Variants in LTBP4 observed in about 807,000 individuals in gnomAD.
LTBP4 encodes the protein latent transforming growth factor beta binding protein 4, also known as latent-transforming growth factor beta-binding protein 4.
Under a neutral mutation model 180.2 loss-of-function variants are expected in LTBP4, and 93 were observed. The ratio of observed to expected loss-of-function variants is 0.52; its 90% confidence interval spans 0.44 to 0.61. The LOEUF (loss-of-function observed/expected upper bound fraction) is 0.61. Ranked by LOEUF, LTBP4 falls within the 20% of genes least tolerant of loss-of-function variation. The probability of loss-of-function intolerance (pLI) is 0.00; values close to 1 mark genes in which losing one functional copy is unlikely to be tolerated. For synonymous variants in LTBP4, 947 were observed against 934.5 expected, an observed-to-expected ratio of 1.01 and a Z score of -0.24; for missense variants, 2,116 against 2,256.5, an observed-to-expected ratio of 0.94 and a Z score of 1.26.
chr19:40,624,185 C>G, intron 26 of LTBP4, 103 bp downstream of exon 26: 1 of 1,348,700 alleles, frequency 7.4e-7, no homozygotes, highest in Non-Finnish European at 9.8e-7. Context: ...AAGGCCACGC[C>G]CCATGCTCCT....
At chr19:40,597,206 G>T (rs1213788956), upstream of LTBP4, 12 of 1,433,128 alleles carry the variant, frequency 8.4e-6, no homozygotes, top group South Asian at 4.3e-5. Context: ...CAGACCGCCC[G>T]CCCGGAGCGG....
Position 40,622,695 on chromosome 19 carries a change from G to C in LTBP4, c.3484+28G>C, listed in dbSNP as rs765543641. On this transcript the variant is annotated intron_variant, in intron 23 of 29. Transcript: ENST00000396819. The surrounding 1 kb of genome is among the most constrained non-coding windows in gnomAD (Gnocchi z 5.1). The stretch of plus-strand genomic sequence containing the variant: ...GGGCATGGGCTGATGGGGACACAGG[G>C]CTGAGGGCTTGGGTGGAAATACTGG... 1.1e-5 allele frequency: 17 copies of C among 1,579,088 alleles called. No individual in the cohort carries two copies. The highest frequency in any genetic ancestry group is 1.4e-5 in the Non-Finnish European group (16 of 1,162,700).
Position 40,627,818 on chromosome 19 carries a change from G to T in LTBP4, c.4480G>T (p.Asp1494Tyr). 3 of 1,570,366 alleles carry T rather than the reference G, an allele frequency of 1.9e-6. No homozygotes were observed. The highest frequency in any genetic ancestry group is 1.7e-6 in the Non-Finnish European group (2 of 1,163,520). ...CGAAGGCTTCACCTGCCGTTGCTTC[G>T]ACGGCTACCGCCTGGACATGACCCG... ...VPEGFTCRCFDGYRLDMTRMA... is the reference protein window; with the variant it reads ...VPEGFTCRCFYGYRLDMTRMA... The change falls in exon 29 of 30, where the codon GAC (aspartate) becomes TAC (tyrosine). Residue 1494 changes from aspartate (D) to tyrosine (Y), a missense_variant. By Grantham distance (160) the Asp-to-Tyr change is radical (BLOSUM62 -3). Transcript: ENST00000396819.
chr19:40,622,858 G>T lies in LTBP4; in HGVS notation c.3485-92G>T. 1 of 1,441,898 alleles carries T rather than the reference G, an allele frequency of 6.9e-7. No homozygotes were observed. Among genetic ancestry groups the T allele is most frequent in the Admixed American group, 2.0e-5 (1 of 50,188 alleles). 89.3% of individuals were successfully genotyped at this position (1,441,898 alleles called of 1,614,324 possible). A position where few individuals can be genotyped will look rare whatever the true frequency, so the allele number is the denominator to read the frequency against. ...AGAGGTGGGCACTAACAGGCACAGGGCCAGAGGGACTTTTGTGACAAGTGG... is the reference window on the plus strand; with the variant it reads ...AGAGGTGGGCACTAACAGGCACAGGTCCAGAGGGACTTTTGTGACAAGTGG... On this transcript the variant is annotated intron_variant, in intron 23 of 29. Coordinates refer to ENST00000396819, the MANE Select transcript of LTBP4 (RefSeq NM_001042545.2). This position sits in a 1 kb window ranked among gnomAD's most constrained non-coding sequence, Gnocchi z 5.1.
chr19:40,601,984 T>G (rs1213326714), intron 1 of LTBP4, among the ~76,000 whole-genome samples: 2 of 150,206 alleles, frequency 1.3e-5, no homozygotes, highest in Admixed American at 1.3e-4. Context: ...GAGTAAGGAG[T>G]CCCCGGGGAC....
chr19:40,619,493 G>A lies in LTBP4; in HGVS notation c.3217G>A (p.Gly1073Ser), dbSNP rs1264673256. ...GRCVPPRTSA[G>S]TFPGSQPQAP... ...CTGTGTTCCCCCACGAACTTCTGCT[G>A]GTGAGACTGATGTGTCTATTTAACT... The change falls in exon 22 of 30, where the codon GGC becomes AGC. Residue 1073 changes from glycine (G) to serine (S), a missense_variant and splice_region_variant. Gly to Ser is a moderately conservative substitution (Grantham distance 56). Coordinates refer to ENST00000396819, the MANE Select transcript of LTBP4 (RefSeq NM_001042545.2). 2 of 1,608,298 alleles carry A rather than the reference G, an allele frequency of 1.2e-6. No individual in the cohort carries two copies. The highest frequency in any genetic ancestry group is 2.7e-5 in the African/African-American group (2 of 74,828).
At position 40,601,512 on chromosome 19, in the gene LTBP4, G is replaced by T. The variant is rs764684954; in HGVS notation, c.125G>T (p.Gly42Val). The T allele has an allele frequency of 1.6e-4, 235 of 1,499,328 alleles. No individual in the cohort carries two copies. The highest frequency in any genetic ancestry group is 2.0e-4 in the Non-Finnish European group (228 of 1,131,226). 92.9% of individuals were successfully genotyped at this position (1,499,328 alleles called of 1,614,324 possible). A position where few individuals can be genotyped will look rare whatever the true frequency, so the allele number is the denominator to read the frequency against. Residue 42 changes from glycine (G) to valine (V), a missense_variant, in exon 1 of 30, where the codon GGC (glycine) becomes GTC (valine). This residue lies in a region of LTBP4 where 469 missense variants were observed against 532.5 expected (regional missense o/e 0.88). Transcript: ENST00000396819. ...LRVRFTPVVC[G>V]LRCVHGPTGS... ...GTGCGCTTCACCCCGGTCGTGTGCG[G>T]CCTGCGCTGCGTCCATGGGCCGACC...
chr19:40,627,247 G>A lies in LTBP4; in HGVS notation c.4258G>A (p.Glu1420Lys). The part of the protein sequence containing the change: ...EDDGGPYGES[E>K]APAPPGPGTR... ...CGATGGTGGCCCCTATGGCGAATCT[G>A]AGGCTCCTGCGCCACCTGGCCCGGG... The change falls in exon 28 of 30, where the codon GAG (glutamate) becomes AAG (lysine). Residue 1420 changes from glutamate (E) to lysine (K), a missense_variant. Physicochemically the swap from Glu to Lys is moderately conservative, Grantham distance 56. Coordinates refer to ENST00000396819, the MANE Select transcript of LTBP4 (RefSeq NM_001042545.2). 1 of 1,590,648 alleles carries A rather than the reference G, an allele frequency of 6.3e-7. No homozygotes were observed. Among genetic ancestry groups the A allele is most frequent in the Admixed American group, 1.7e-5 (1 of 57,188 alleles).
chr19:40,606,141 C>A (rs1393939315), intron 4 of LTBP4, 92 bp from the exon 5 acceptor site: 2 of 1,191,258 alleles, frequency 1.7e-6, no homozygotes, highest in Non-Finnish European at 1.2e-6. Context: ...CAGCCAACAT[C>A]TTTTAGTCCC....
intron 19 of LTBP4, among the ~76,000 whole-genome samples, chr19:40,615,683 GGGAGGC>G (rs1481370803): frequency 8.5e-5 from 13 of 152,266 alleles, no homozygotes; most frequent in African/African-American, 2.6e-4. Context: ...GCTTGAACCC[GGGAGGC>G]GGAGGTGGCA....
chr19:40,629,529 G>A lies in LTBP4; in HGVS notation c.4653G>A (p.Ala1551=), dbSNP rs527544230. ...FAPTHQPHHC[A]PARPRA ...CCACGCACCAGCCGCACCACTGTGC[G>A]CCCGCACGGCCCCGGGCCTGAGCCC... Residue 1551 remains alanine, a synonymous_variant, in exon 30 of 30, where the codon GCG becomes GCA. Transcript: ENST00000396819. The surrounding 1 kb of genome is among the most constrained non-coding windows in gnomAD (Gnocchi z 4.5). 1.3e-5 allele frequency: 21 copies of A among 1,560,988 alleles called. 1 individual carries two copies. The South Asian group carries it at 2.2e-4, about 16-fold the overall frequency.
chr19:40,622,344 A>T lies in LTBP4; in HGVS notation c.3218-57A>T. 1 of 1,451,868 alleles carries T rather than the reference A, an allele frequency of 6.9e-7. No homozygotes were observed. The highest frequency in any genetic ancestry group is 1.4e-5 in the South Asian group (1 of 69,058). The allele number at this position is 1,451,868 out of a possible 1,614,324, so 89.9% of individuals were successfully genotyped here. On this transcript the variant is annotated intron_variant, in intron 22 of 29. Transcript: ENST00000396819. This position sits in a 1 kb window ranked among gnomAD's most constrained non-coding sequence, Gnocchi z 5.1. ...GCCAGCCTCAGTTTCCCCATCTATG[A>T]TAGTGGCGGGGCTGGGGATTCAGCC...
In LTBP4 at chr19:40,611,211, C is replaced by T. The variant is rs903754296; in HGVS notation, c.1870C>T (p.Pro624Ser). The T allele has an allele frequency of 1.6e-5, 26 of 1,613,814 alleles. No individual in the cohort carries two copies. Among genetic ancestry groups the T allele is most frequent in the Non-Finnish European group, 2.1e-5 (25 of 1,179,836 alleles). ...TGGCCGAGGGGCCTGCAAGAACCTG[C>T]CTGGCTCTTTCCGCTGTGTTTGCCC... Reference protein sequence around the residue: ...LCGRGACKNLPGSFRCVCPAG... With the variant: ...LCGRGACKNLSGSFRCVCPAG... The change falls in exon 13 of 30, where the codon CCT becomes TCT. Residue 624 changes from proline to serine, a missense_variant. Pro to Ser is a moderately conservative substitution (Grantham distance 74, BLOSUM62 -1). Coordinates refer to ENST00000396819, the MANE Select transcript of LTBP4 (RefSeq NM_001042545.2). The surrounding 1 kb of genome is among the most constrained non-coding windows in gnomAD (Gnocchi z 4.4).
At chr19:40,625,291 TATATATATATATATATA>T in intron 26 of LTBP4, among the ~76,000 whole-genome samples, 1 of 11,430 alleles carries the variant, frequency 8.7e-5, no homozygotes, top group African/African-American at 1.0e-3. Flanking sequence ...TATATATATA[TATATATATATATATATA>T]TATATATATT....
chr19:40,624,821 C>T (rs1428808589), intron 26 of LTBP4, among the ~76,000 whole-genome samples: 1 of 151,966 alleles, frequency 6.6e-6, no homozygotes, highest in Non-Finnish European at 1.5e-5. Context: ...AGGTCTCTGT[C>T]TCTTTCCAGC....
At position 40,627,044 on chromosome 19, in the gene LTBP4, G is replaced by A. The variant is rs1316834021; in HGVS notation, c.4055G>A (p.Gly1352Glu). 3 of 1,611,378 alleles carry A rather than the reference G, an allele frequency of 1.9e-6. No individual in the cohort carries two copies. The South Asian group carries it at 3.3e-5, about 18-fold the overall frequency. Residue 1352 changes from glycine (G) to glutamate (E), a missense_variant, in exon 28 of 30, where the codon GGA becomes GAA. By Grantham distance (98) the Gly-to-Glu change is moderately conservative (BLOSUM62 -2). Coordinates refer to ENST00000396819, the MANE Select transcript of LTBP4 (RefSeq NM_001042545.2). ...AYSPPRPGGF[G>E]LPYEYGPDLG... Reference sequence around the variant, plus strand: ...AGCCCCCCGCGACCAGGTGGCTTTGGACTCCCCTACGAGTACGGCCCAGAC... The same window carrying A: ...AGCCCCCCGCGACCAGGTGGCTTTGAACTCCCCTACGAGTACGGCCCAGAC...
intron 26 of LTBP4, among the ~76,000 whole-genome samples, chr19:40,625,279 TATATATATATATATATATA>T (rs2081619565): frequency 2.0e-3 from 19 of 9,648 alleles, no homozygotes; most frequent in African/African-American, 5.0e-3. Flanking sequence ...TATATATATA[TATATATATATATATATATA>T]TATATATATA....
chr19:40,603,102 A>G (rs1360915385), intron 1 of LTBP4, among the ~76,000 whole-genome samples: 1 of 152,184 alleles, frequency 6.6e-6, no homozygotes, highest in Non-Finnish European at 1.5e-5. Flanking sequence ...CCACTCCTCC[A>G]GTGAAATTCC....
upstream of LTBP4, chr19:40,599,662 C>G: frequency 9.1e-7 from 1 of 1,095,016 alleles, no homozygotes; most frequent in African/African-American, 1.6e-5. Flanking sequence ...TCCCCCCTCC[C>G]TCCCCGGCTC....
Sources: gnomAD v4.1 joint callset for allele counts (sites outside exome capture counted in the v4.1 genomes callset) on GRCh38, gnomAD v4.1.1 for gene constraint, gnomAD v4.1.1 regional missense constraint, Gnocchi (gnomAD v3.1) non-coding constraint, MANE v1.5 for transcripts, NCBI Gene and HGNC (gene_info 2026-07-23, HGNC 2026-07-21) for gene names.